SFT2D2: variants seen among roughly 807,000 people sequenced by gnomAD.
The protein encoded by SFT2D2 is vesicle transport protein SFT2B.
Under a neutral mutation model 27.4 loss-of-function variants are expected in SFT2D2, and 21 were observed. The ratio of observed to expected loss-of-function variants is 0.77; its 90% CI spans 0.54 to 1.10. The LOEUF (loss-of-function observed/expected upper bound fraction) is 1.10, where lower values mean the gene tolerates loss of function less well. Ranked by LOEUF, SFT2D2 falls within the 50% of genes least tolerant of loss-of-function variation. SFT2D2 has a pLI of 0.00. For missense variants in SFT2D2, 187 were observed against 194.2 expected (o/e 0.96, Z 0.22); for synonymous variants, 72 against 71.7 (o/e 1.00, Z -0.02).
chr1:168,232,095 T>G (rs1038040300), intron 3 of SFT2D2, among the ~76,000 whole-genome samples, 176 bp downstream of exon 3: 12 of 152,184 alleles, frequency 7.9e-5, no homozygotes, highest in African/African-American at 2.9e-4. Context: ...TATCTTAGTT[T>G]GAAACACCTG....
At chr1:168,230,323 G>T (rs1008400018) in intron 1 of SFT2D2, among the ~76,000 whole-genome samples, 2 of 152,142 alleles carry the variant, frequency 1.3e-5, no homozygotes, top group African/African-American at 4.8e-5. Context: ...AGACTATGCT[G>T]GCCATACAAG....
At chr1:168,232,649 C>T (rs1243322611) in intron 3 of SFT2D2, among the ~76,000 whole-genome samples, 1 of 152,200 alleles carries the variant, frequency 6.6e-6, no homozygotes, top group Non-Finnish European at 1.5e-5. Context: ...TTACTGGCTC[C>T]TTCCTCTTTG....
Position 168,226,018 on chromosome 1 carries a change from T to C in SFT2D2, c.-62T>C, listed in dbSNP as rs1700453641. 7.0e-7 allele frequency: 1 copy of C among 1,433,234 alleles called. No homozygotes were observed. The highest frequency in any genetic ancestry group is 1.4e-5 in the South Asian group (1 of 70,734). 88.8% of individuals were successfully genotyped at this position (1,433,234 alleles called of 1,614,324 possible). A position where few individuals can be genotyped will look rare whatever the true frequency, so the allele number is the denominator to read the frequency against. On this transcript the variant is annotated 5_prime_UTR_variant, in exon 1 of 8. Transcript: ENST00000271375. ...GGCTGCCTAGCACCCGGAAGAGCCG[T>C]CAACTTAGCGAGCGCAACAGGCTGC...
chr1:168,229,325 T>C (rs1014051540), intron 1 of SFT2D2, among the ~76,000 whole-genome samples: 1 of 152,228 alleles, frequency 6.6e-6, no homozygotes, highest in Non-Finnish European at 1.5e-5. Context: ...GTTCAGGCCA[T>C]TCTCTGGAAT....
intron 1 of SFT2D2, among the ~76,000 whole-genome samples, chr1:168,227,466 T>C (rs1308264083): frequency 6.6e-6 from 1 of 152,232 alleles, no homozygotes; most frequent in East Asian, 1.9e-4. Flanking sequence ...CATCTCCGAA[T>C]GTAAGATTGC....
rs1462655121 is a variant in SFT2D2 at position 168,235,093 on chromosome 1, C to T, written c.237-8C>T. On this transcript the variant is annotated splice_region_variant and splice_polypyrimidine_tract_variant and intron_variant, in intron 3 of 7. Transcript: ENST00000271375. ...TGAACGGCTTGTGTGCGTGTGTTTG[C>T]CTTTTAGTACCATCTTCCTCATGGG... 6.2e-7 allele frequency: 1 copy of T among 1,613,770 alleles called. No homozygotes were observed. The highest frequency in any genetic ancestry group is 1.3e-5 in the African/African-American group (1 of 74,766).
At position 168,251,620 on chromosome 1, in the gene SFT2D2, T is replaced by C. The variant is rs769890710; in HGVS notation, c.*9080T>C. 3.3e-5 allele frequency: 5 copies of C among 152,170 alleles called. No homozygotes were observed. Among genetic ancestry groups the C allele is most frequent in the Non-Finnish European group, 5.9e-5 (4 of 68,022 alleles). The allele number at this position is 152,170 out of a possible 1,614,324, so 9.4% of individuals were successfully genotyped here. A position where few individuals can be genotyped will look rare whatever the true frequency, so the allele number is the denominator to read the frequency against. ...TTAAAATACGTATTCTCAAACCTCATTTTCAGCATATAAATTTTTAAGAAT... is the reference window on the plus strand; with the variant it reads ...TTAAAATACGTATTCTCAAACCTCACTTTCAGCATATAAATTTTTAAGAAT... On this transcript the variant is annotated 3_prime_UTR_variant, in exon 8 of 8. Transcript: ENST00000271375.
chr1:168,233,851 T>C (rs1647402876), intron 3 of SFT2D2, among the ~76,000 whole-genome samples: 2 of 152,222 alleles, frequency 1.3e-5, no homozygotes, highest in Non-Finnish European at 2.9e-5. Context: ...TAGTCTGTTA[T>C]GGTTTTGTGT....
chr1:168,238,509 A>AAACC (rs1422474960), intron 6 of SFT2D2, among the ~76,000 whole-genome samples: 2 of 151,754 alleles, frequency 1.3e-5, no homozygotes, highest in Admixed American at 6.6e-5. Context: ...ACAAACAAAC[A>AAACC]AACAAAAAAA....
rs533524030 is a variant in SFT2D2 at position 168,246,417 on chromosome 1, A to G, written c.*3877A>G. On this transcript the variant is annotated 3_prime_UTR_variant, in exon 8 of 8. Coordinates refer to ENST00000271375, the MANE Select transcript of SFT2D2 (RefSeq NM_199344.3). ...TTGGCCACTTGTGTACATTTTTTCA[A>G]TGTCCTTCATTTGACACCGTTTGGT... 681 of 926,530 alleles carry G rather than the reference A, an allele frequency of 7.3e-4. No homozygotes were observed. Among genetic ancestry groups the G allele is most frequent in the Non-Finnish European group, 9.5e-4 (625 of 654,610 alleles). 57.4% of individuals were successfully genotyped at this position (926,530 alleles called of 1,614,324 possible).
At chr1:168,236,897 G>T (rs190686531) in intron 6 of SFT2D2, 127 bp downstream of exon 6, 6 of 1,152,556 alleles carry the variant, frequency 5.2e-6, no homozygotes, top group Non-Finnish European at 7.6e-6. Flanking sequence ...TTAAGGATTC[G>T]TAATGATGAA....
At chr1:168,236,149 G>A (rs1647493255) in intron 4 of SFT2D2, among the ~76,000 whole-genome samples, 1 of 152,224 alleles carries the variant, frequency 6.6e-6, no homozygotes, top group Non-Finnish European at 1.5e-5. Flanking sequence ...TAGGTGATAG[G>A]TACACAAGTA....
chr1:168,234,361 T>C (rs1647414191), intron 3 of SFT2D2, among the ~76,000 whole-genome samples: 1 of 148,294 alleles, frequency 6.7e-6, no homozygotes, highest in South Asian at 2.1e-4. Flanking sequence ...ATCACTGCAC[T>C]CCAGCCTGGC....
intron 1 of SFT2D2, among the ~76,000 whole-genome samples, chr1:168,227,080 A>G (rs1300018607): frequency 1.3e-5 from 2 of 152,142 alleles, no homozygotes; most frequent in South Asian, 2.1e-4. Context: ...TCTGCCTCCC[A>G]AAGTGCTGGG....
chr1:168,246,837 T>A lies in SFT2D2; in HGVS notation c.*4297T>A, dbSNP rs1447417156. ...CGTTTTTGTTGATTTTTCCCCATTC[T>A]GTTTTAGAGCCTTTTGAAGGTCTTC... On this transcript the variant is annotated 3_prime_UTR_variant, in exon 8 of 8. Coordinates refer to ENST00000271375, the MANE Select transcript of SFT2D2 (RefSeq NM_199344.3). 4 of 670,378 alleles carry A rather than the reference T, an allele frequency of 6.0e-6. No homozygotes were observed. Among genetic ancestry groups the A allele is most frequent in the African/African-American group, 1.8e-5 (1 of 55,764 alleles). The allele number at this position is 670,378 out of a possible 1,614,324, so 41.5% of individuals were successfully genotyped here.
chr1:168,246,687 C>G lies in SFT2D2; in HGVS notation c.*4147C>G, dbSNP rs746940396. On this transcript the variant is annotated 3_prime_UTR_variant, in exon 8 of 8. Transcript: ENST00000271375. ...GATCATGATCATGTAGAGCAACATT[C>G]AGTCTACGATGGTATGATTCCATTT... The G allele has an allele frequency of 2.7e-6, 3 of 1,125,404 alleles. No individual in the cohort carries two copies. Among genetic ancestry groups the G allele is most frequent in the Non-Finnish European group, 4.0e-6 (3 of 757,578 alleles). 69.7% of individuals were successfully genotyped at this position (1,125,404 alleles called of 1,614,324 possible).
At chr1:168,241,681 A>G (rs539784736) in intron 7 of SFT2D2, among the ~76,000 whole-genome samples, 1 of 151,110 alleles carries the variant, frequency 6.6e-6, no homozygotes, top group Non-Finnish European at 1.5e-5. Flanking sequence ...GTGAGCTGCC[A>G]TGAGGGGGAC....
intron 1 of SFT2D2, among the ~76,000 whole-genome samples, chr1:168,228,743 C>A (rs1004057623): frequency 5.9e-5 from 9 of 152,186 alleles, no homozygotes; most frequent in Non-Finnish European, 1.0e-4. Flanking sequence ...CCTCTTCTCT[C>A]CACATCACAG....
intron 6 of SFT2D2, among the ~76,000 whole-genome samples, chr1:168,238,705 A>AT: frequency 6.6e-6 from 1 of 152,062 alleles, no homozygotes; most frequent in African/African-American, 2.4e-5. Flanking sequence ...CTCAAAAAAA[A>AT]AAATAAATAA....
Sources: gnomAD v4.1 joint callset for allele counts (sites outside exome capture counted in the v4.1 genomes callset) on GRCh38, gnomAD v4.1.1 for gene constraint, MANE v1.5 for transcripts, NCBI Gene and HGNC (gene_info 2026-07-23, HGNC 2026-07-21) for gene names.